Variants in EIF2AK3 observed in about 807,000 individuals in gnomAD.
EIF2AK3 encodes eukaryotic translation initiation factor 2 alpha kinase 3, also known as eukaryotic translation initiation factor 2-alpha kinase 3.
A neutral mutation model predicts 113.5 loss-of-function variants in EIF2AK3; 50 were observed. The ratio of observed to expected loss-of-function variants is 0.44; its 90% CI spans 0.35 to 0.56. The LOEUF (loss-of-function observed/expected upper bound fraction) is 0.56, where lower values mean the gene tolerates loss of function less well. EIF2AK3 is among the 20% of genes least tolerant of loss of function. EIF2AK3 has a pLI of 0.00. For synonymous variants in EIF2AK3, 448 were observed against 495.4 expected, an observed-to-expected ratio of 0.90 and a Z score of 1.27; for missense variants, 1,185 against 1,378.0, an observed-to-expected ratio of 0.86 and a Z score of 2.22.
chr2:88,588,617 A>G (rs1245587346), intron 7 of EIF2AK3, 144 bp downstream of exon 7: 3 of 845,500 alleles, frequency 3.5e-6, no homozygotes, highest in Non-Finnish European at 5.3e-6. Flanking sequence ...CATTATTAAC[A>G]TCTGAAATAC....
intron 13 of EIF2AK3, chr2:88,574,411 T>G (rs1463792786): frequency 1.8e-6 from 1 of 544,760 alleles, no homozygotes; most frequent in African/African-American, 1.9e-5. Context: ...CCTGGACTAC[T>G]GAGAATACCT....
rs75385605 is a variant in EIF2AK3 at position 88,583,437 on chromosome 2, T to C, written c.1756A>G (p.Ile586Val). ...SWNDIKNSGYISRYLTDFEPI... is the reference protein window; with the variant it reads ...SWNDIKNSGYVSRYLTDFEPI... ...ATTTTATAAGACTCTTACCGTGATATATATCCAGAGTTTTTTATGTCATTC... is the reference window on the plus strand; with the variant it reads ...ATTTTATAAGACTCTTACCGTGATACATATCCAGAGTTTTTTATGTCATTC... Residue 586 changes from isoleucine (I) to valine (V), a missense_variant, in exon 10 of 17, where the codon ATA (isoleucine) becomes GTA (valine). This residue lies in a region of EIF2AK3 where 877 missense variants were observed against 1,024.2 expected (regional missense o/e 0.86). Coordinates refer to ENST00000303236, the MANE Select transcript of EIF2AK3 (RefSeq NM_004836.7). The C allele has an allele frequency of 1.2e-6, 2 of 1,609,016 alleles. No homozygotes were observed. Among genetic ancestry groups the C allele is most frequent in the Non-Finnish European group, 8.5e-7 (1 of 1,176,034 alleles).
intron 2 of EIF2AK3, among the ~76,000 whole-genome samples, chr2:88,612,525 A>G (rs1189182877): frequency 2.0e-5 from 3 of 152,250 alleles, no homozygotes; most frequent in Admixed American, 2.0e-4. Flanking sequence ...TTCTCAAAAT[A>G]TATTTTCAGT....
In EIF2AK3 at chr2:88,575,214, C is replaced by T; in HGVS notation, c.2269G>A (p.Ala757Thr). 1 of 1,612,730 alleles carries T rather than the reference C, an allele frequency of 6.2e-7. No individual in the cohort carries two copies. Among genetic ancestry groups the T allele is most frequent in the Non-Finnish European group, 8.5e-7 (1 of 1,179,068 alleles). ...CAACTGTCCTGGAGGTTGTATGCTG[C>T]ATCCACTGACTCACTGATGTCCTCA... ...DHEDISESVD[A>T]AYNLQDSCLT... The change falls in exon 13 of 17, where the codon GCA becomes ACA. Residue 757 changes from alanine to threonine, a missense_variant. Ala to Thr is a moderately conservative substitution (Grantham distance 58). Transcript: ENST00000303236.
At chr2:88,568,611 G>A (rs561060770) in intron 14 of EIF2AK3, among the ~76,000 whole-genome samples, 4 of 151,490 alleles carry the variant, frequency 2.6e-5, no homozygotes, top group Non-Finnish European at 5.9e-5. Flanking sequence ...TGATACCTTG[G>A]ATATGCTAAT....
intron 9 of EIF2AK3, among the ~76,000 whole-genome samples, chr2:88,585,081 G>T (rs1456717964): frequency 1.3e-5 from 2 of 152,086 alleles, no homozygotes; most frequent in Non-Finnish European, 2.9e-5. Context: ...GAGGACTAGG[G>T]GCACAGAGGC....
In EIF2AK3 at chr2:88,627,075, G is replaced by A. The variant is rs781620386; in HGVS notation, c.200C>T (p.Ala67Val). 2.1e-5 allele frequency: 33 copies of A among 1,565,682 alleles called. No homozygotes were observed. The highest frequency in any genetic ancestry group is 4.2e-5 in the African/African-American group (3 of 72,168). The change falls in exon 1 of 17, where the codon GCG becomes GTG. Residue 67 changes from alanine to valine, a missense_variant. Ala to Val is a moderately conservative substitution (Grantham distance 64, BLOSUM62 0). Around this residue, in one of 3 missense-constraint regions of EIF2AK3, gnomAD observed 189 missense variants for 175.2 expected, o/e 1.08. Transcript: ENST00000303236. ...AGCGTCCTCCACAGTCACCTCGGCC[G>A]CAGCCACGGCGCCCGCCGCCGGTAC... ...TRVPAAGAVA[A>V]AEVTVEDAEA...
chr2:88,579,671 T>C, intron 10 of EIF2AK3, 31 bp from the exon 11 acceptor site: 1 of 1,603,170 alleles, frequency 6.2e-7, no homozygotes, highest in Non-Finnish European at 8.5e-7. Flanking sequence ...TATAAAGGTT[T>C]GCAACAGTTT....
chr2:88,585,594 G>A (rs1674700110), intron 9 of EIF2AK3, among the ~76,000 whole-genome samples: 1 of 152,152 alleles, frequency 6.6e-6, no homozygotes, highest in Admixed American at 6.5e-5. Context: ...GACCAGGAGA[G>A]CATGGTGTCA....
intron 2 of EIF2AK3, among the ~76,000 whole-genome samples, chr2:88,611,825 A>G (rs1390869274): frequency 6.6e-6 from 1 of 152,022 alleles, no homozygotes; most frequent in African/African-American, 2.4e-5. Context: ...GGGTTTTACT[A>G]TGTTGGCCAG....
chr2:88,608,052 T>C (rs1675332886), intron 2 of EIF2AK3, among the ~76,000 whole-genome samples: 1 of 152,182 alleles, frequency 6.6e-6, no homozygotes, highest in Admixed American at 6.5e-5. Context: ...CCACACAGTC[T>C]AAAAAGTTCC....
At chr2:88,577,184 T>G (rs1286853539) in intron 11 of EIF2AK3, among the ~76,000 whole-genome samples, 1 of 152,104 alleles carries the variant, frequency 6.6e-6, no homozygotes, top group African/African-American at 2.4e-5. Context: ...GGTTTCACCA[T>G]GTTGGTCAGG....
In EIF2AK3 at chr2:88,557,510, C is replaced by CT. The variant is rs1673810982; in HGVS notation, c.*225dup. 1.7e-6 allele frequency: 1 copy of CT among 573,686 alleles called. No individual in the cohort carries two copies. The highest frequency in any genetic ancestry group is 2.9e-5 in the Admixed American group (1 of 34,016). 35.5% of individuals were successfully genotyped at this position (573,686 alleles called of 1,614,324 possible). ...TTGGCCAGCAGCCAGTTTCAAGAGA[C>CT]TAACAAAGAACAAAGATAGCCCTTT... On this transcript the variant is annotated 3_prime_UTR_variant, in exon 17 of 17. Coordinates refer to ENST00000303236, the MANE Select transcript of EIF2AK3 (RefSeq NM_004836.7).
At chr2:88,583,403 G>T (rs749819675) in intron 10 of EIF2AK3, 27 bp downstream of exon 10, 13 of 1,543,938 alleles carry the variant, frequency 8.4e-6, no homozygotes, top group Non-Finnish European at 1.2e-5. Context: ...CTTTGATTCA[G>T]ATGGTTGTAT....
At chr2:88,605,938 C>T (rs1017877359) in intron 2 of EIF2AK3, among the ~76,000 whole-genome samples, 6 of 152,020 alleles carry the variant, frequency 3.9e-5, no homozygotes, top group East Asian at 1.9e-4. Context: ...GATGCCCTAA[C>T]GGGAGGGGTA....
intron 14 of EIF2AK3, among the ~76,000 whole-genome samples, chr2:88,569,191 G>A (rs1016911620): frequency 1.3e-5 from 2 of 151,930 alleles, no homozygotes; most frequent in Non-Finnish European, 2.9e-5. Context: ...GCGACTGGCC[G>A]AGGGACACTT....
chr2:88,614,164 C>T (rs1419688227), intron 1 of EIF2AK3, among the ~76,000 whole-genome samples: 1 of 152,212 alleles, frequency 6.6e-6, no homozygotes, highest in Admixed American at 6.5e-5. Flanking sequence ...AAGCCTTTCC[C>T]CTGAAACACT....
intron 16 of EIF2AK3, 83 bp from the exon 17 acceptor site, chr2:88,558,019 T>C: frequency 2.2e-6 from 3 of 1,358,086 alleles, no homozygotes; most frequent in Non-Finnish European, 3.1e-6. Flanking sequence ...GGCAAAATAT[T>C]TCTGTACATA....
intron 13 of EIF2AK3, among the ~76,000 whole-genome samples, chr2:88,574,075 G>A (rs2104409033): frequency 6.6e-6 from 1 of 152,138 alleles, no homozygotes; most frequent in South Asian, 2.1e-4. Flanking sequence ...AGAATCCAAG[G>A]TTTTAGAGCT....
Sources: allele counts gnomAD v4.1 joint callset (sites outside exome capture counted in the v4.1 genomes callset), GRCh38; gene constraint gnomAD v4.1.1; regional missense constraint gnomAD v4.1.1; transcripts MANE v1.5; gene names NCBI Gene and HGNC (gene_info 2026-07-23, HGNC 2026-07-21).